Variants in GSE1 observed in about 807,000 individuals in gnomAD.
GSE1 encodes Gse1 coiled-coil protein, also known as genetic suppressor element 1.
GSE1 carries 32 observed loss-of-function variants against 112.6 expected under a neutral mutation model. The ratio of observed to expected loss-of-function variants is 0.28; its 90% CI spans 0.21 to 0.38. The LOEUF (loss-of-function observed/expected upper bound fraction) is 0.38, where lower values mean the gene tolerates loss of function less well. Ranked by LOEUF, GSE1 falls within the 10% of genes least tolerant of loss-of-function variation. GSE1 has a pLI of 1.00. For missense variants in GSE1, 2,348 were observed against 1,699.2 expected, an observed-to-expected ratio of 1.38 and a Z score of -6.71; for synonymous variants, 1,115 against 735.6, an observed-to-expected ratio of 1.52 and a Z score of -8.35.
chr16:85,571,520 G>A (rs1402857585), intron 1 of GSE1, among the ~76,000 whole-genome samples: 2 of 152,230 alleles, frequency 1.3e-5, no homozygotes, highest in East Asian at 1.9e-4. Flanking sequence ...AAGCTGGAAG[G>A]CTGGGCCTGC....
At chr16:85,501,532 C>T (rs1567540915) in intron 2 of GSE1, among the ~76,000 whole-genome samples, 1 of 152,136 alleles carries the variant, frequency 6.6e-6, no homozygotes, top group South Asian at 2.1e-4. Flanking sequence ...GCTGAGACTA[C>T]AGGCGTGTGC....
intron 8 of GSE1, among the ~76,000 whole-genome samples, chr16:85,660,053 G>C (rs2052303272): frequency 6.6e-6 from 1 of 152,270 alleles, no homozygotes; most frequent in Non-Finnish European, 1.5e-5. Context: ...GGACAGTGGG[G>C]AGGGAGGAGT....
At chr16:85,510,738 C>T (rs1478349511) in intron 2 of GSE1, among the ~76,000 whole-genome samples, 1 of 152,126 alleles carries the variant, frequency 6.6e-6, no homozygotes, top group Non-Finnish European at 1.5e-5. Context: ...AACCCCAGAG[C>T]CCCCCGCGAC....
In GSE1 at chr16:85,605,235, C is replaced by T. The variant is rs556173989; in HGVS notation, c.38-43317C>T. On this transcript the variant is annotated intron_variant, in intron 1 of 2. Transcript: ENST00000635906. Reference sequence around the variant, plus strand: ...CAGGGGCCGGCAGGGGCTGGGCTCACGCAAGTTGCTGGTGTGATTCTTGGA... The same window carrying T: ...CAGGGGCCGGCAGGGGCTGGGCTCATGCAAGTTGCTGGTGTGATTCTTGGA... Among the ~76,000 whole-genome samples the T allele has an allele frequency of 7.9e-5, 12 of 151,884 alleles. No homozygotes were observed. The East Asian group carries it at 1.6e-3, about 20-fold the overall frequency.
At chr16:85,495,455 T>G (rs956147371) in intron 2 of GSE1, among the ~76,000 whole-genome samples, 3 of 149,976 alleles carry the variant, frequency 2.0e-5, no homozygotes, top group Non-Finnish European at 4.4e-5. Context: ...ATTTATTTAT[T>G]TATTTATTTA....
In GSE1 at chr16:85,419,433, T is replaced by C. The variant is rs2048776264; in HGVS notation, c.2464+61790T>C. On this transcript the variant is annotated intron_variant, in intron 2 of 2. Coordinates refer to the GSE1 transcript ENST00000637419. This position sits in a 1 kb window ranked among gnomAD's most constrained non-coding sequence, Gnocchi z 6.5. ...TTTGAGACCAGCCTGAGCAACATAG[T>C]GAGACCCTGTCTACGAACAAAAGTT... Among the ~76,000 whole-genome samples, 2 of 151,432 alleles carry C rather than the reference T, an allele frequency of 1.3e-5. No homozygotes were observed. Among genetic ancestry groups the C allele is most frequent in the African/African-American group, 2.4e-5 (1 of 41,160 alleles).
chr16:85,511,005 C>G (rs545563873), intron 2 of GSE1, among the ~76,000 whole-genome samples: 15 of 152,362 alleles, frequency 9.8e-5, no homozygotes, highest in African/African-American at 3.4e-4. Flanking sequence ...ATGCGTTGCT[C>G]TTTAATAGCA....
intron 1 of GSE1, among the ~76,000 whole-genome samples, chr16:85,173,971 C>T (rs1018578697): frequency 2.0e-5 from 3 of 152,162 alleles, no homozygotes; most frequent in Non-Finnish European, 4.4e-5. Context: ...GACGAGTCAA[C>T]CAAGACTCAG....
chr16:85,199,541 C>T (rs920518159), intron 1 of GSE1, among the ~76,000 whole-genome samples: 4 of 152,204 alleles, frequency 2.6e-5, no homozygotes, highest in East Asian at 3.8e-4. Context: ...AGAGGCGCAT[C>T]GGCTTAGCTG....
intron 2 of GSE1, among the ~76,000 whole-genome samples, chr16:85,362,274 T>C (rs1041315763): frequency 3.9e-5 from 6 of 152,246 alleles, no homozygotes; most frequent in Admixed American, 3.9e-4. Flanking sequence ...CGGCCTTTAG[T>C]CAAATGAAGA....
chr16:85,520,977 A>G (rs2052164124), intron 2 of GSE1, among the ~76,000 whole-genome samples: 1 of 152,162 alleles, frequency 6.6e-6, no homozygotes, highest in Non-Finnish European at 1.5e-5. Context: ...AGACCGGTCC[A>G]ACAGGTCTTT....
At chr16:85,271,171 C>T (rs1437653146) in intron 1 of GSE1, among the ~76,000 whole-genome samples, 1 of 152,028 alleles carries the variant, frequency 6.6e-6, no homozygotes, top group Non-Finnish European at 1.5e-5. Flanking sequence ...ATAAATATCC[C>T]AGATCCCTCC....
Position 85,655,759 on chromosome 16 carries a change from G to C in GSE1, c.831G>C (p.Arg277Ser). Residue 277 changes from arginine to serine, a missense_variant, in exon 6 of 16, where the codon AGG (arginine) becomes AGC (serine). Transcript: ENST00000253458. ...MDDSYCLSAL[R>S]SPFYPIPTPG... ...ACTCCTACTGCCTGTCTGCCCTGAG[G>C]TCCCCGTTCTACCCCATCCCCACCC... 2 of 1,609,078 alleles carry C rather than the reference G, an allele frequency of 1.2e-6. No homozygotes were observed. Among genetic ancestry groups the C allele is most frequent in the Non-Finnish European group, 1.7e-6 (2 of 1,177,964 alleles).
intron 1 of GSE1, among the ~76,000 whole-genome samples, chr16:85,587,374 C>T (rs771244488): frequency 6.6e-5 from 10 of 152,244 alleles, no homozygotes; most frequent in African/African-American, 2.4e-4. Flanking sequence ...AAGGTAAAAA[C>T]CTTCCCCCGG....
At position 85,388,732 on chromosome 16, in the gene GSE1, A is replaced by T. The variant is rs1597573790; in HGVS notation, c.2464+31089A>T. ...GGTGGATGAGTGGATAGATGGGTGG[A>T]TGGAAGGAAGGAAGGAAAGATGGAA... On this transcript the variant is annotated intron_variant, in intron 2 of 2. Transcript: ENST00000637419. Among the ~76,000 whole-genome samples the T allele has an allele frequency of 2.0e-5, 3 of 152,074 alleles. No homozygotes were observed. The South Asian group carries it at 6.2e-4, about 31-fold the overall frequency.
intron 1 of GSE1, among the ~76,000 whole-genome samples, chr16:85,314,776 A>G (rs1253856346): frequency 1.3e-5 from 2 of 152,150 alleles, no homozygotes; most frequent in Non-Finnish European, 2.9e-5. Context: ...TCTCCCAGGC[A>G]AGGTTCCCTG....
At chr16:85,650,180 C>T (rs946232128) in intron 3 of GSE1, among the ~76,000 whole-genome samples, 1 of 152,184 alleles carries the variant, frequency 6.6e-6, no homozygotes, top group Admixed American at 6.5e-5. Context: ...CCACAGGGGC[C>T]TCCACACCCC....
intron 1 of GSE1, among the ~76,000 whole-genome samples, chr16:85,284,144 C>T (rs926816549): frequency 1.3e-5 from 2 of 152,190 alleles, no homozygotes; most frequent in Non-Finnish European, 2.9e-5. Flanking sequence ...AAGATGCCCC[C>T]GGCCCAGGAG....
chr16:85,180,983 A>G (rs756342442), intron 1 of GSE1, among the ~76,000 whole-genome samples: 4 of 152,350 alleles, frequency 2.6e-5, no homozygotes, highest in East Asian at 3.9e-4. Flanking sequence ...AACCATTTCA[A>G]CGTTTTAAGT....
Sources: gnomAD v4.1 joint callset for allele counts (sites outside exome capture counted in the v4.1 genomes callset) on GRCh38, gnomAD v4.1.1 for gene constraint, Gnocchi (gnomAD v3.1) non-coding constraint, MANE v1.5 for transcripts, NCBI Gene and HGNC (gene_info 2026-07-23, HGNC 2026-07-21) for gene names.